The following ABCC8 variants were observed in gnomAD, a reference collection of about 807,000 sequenced individuals.
The protein encoded by ABCC8 is ATP binding cassette subfamily C member 8.
In ABCC8, 137 loss-of-function variants were observed where a neutral mutation model predicts 188.0. That is an observed-to-expected ratio of 0.73 (90% CI 0.63 to 0.84). The LOEUF is 0.84. Among genes scored for constraint, ABCC8 ranks in the 40% least tolerant of loss-of-function variants. The probability of loss-of-function intolerance (pLI) is 0.00; values close to 1 mark genes in which losing one functional copy is unlikely to be tolerated. For synonymous variants in ABCC8, 797 were observed against 846.5 expected, an observed-to-expected ratio of 0.94 and a Z score of 1.01; for missense variants, 1,750 against 2,072.7, an observed-to-expected ratio of 0.84 and a Z score of 3.02.
intron 6 of ABCC8, among the ~76,000 whole-genome samples, chr11:17,457,139 A>G (rs1262994610): frequency 2.6e-5 from 4 of 152,210 alleles, no homozygotes; most frequent in African/African-American, 4.8e-5. Flanking sequence ...CTGCATGGAC[A>G]TGGTTATGAA....
chr11:17,461,337 G>T, intron 5 of ABCC8: 1 of 563,336 alleles, frequency 1.8e-6, no homozygotes, highest in Admixed American at 3.0e-5. Flanking sequence ...TTCCCCATCT[G>T]GATAAGGACT....
intron 8 of ABCC8, among the ~76,000 whole-genome samples, chr11:17,446,956 A>G (rs1956558024): frequency 6.6e-6 from 1 of 152,232 alleles, no homozygotes; most frequent in African/African-American, 2.4e-5. Flanking sequence ...AACATGTGCA[A>G]GGTAGAGGGA....
At chr11:17,406,468 T>G in intron 26 of ABCC8, 154 bp downstream of exon 26, 1 of 753,594 alleles carries the variant, frequency 1.3e-6, no homozygotes, top group Non-Finnish European at 2.1e-6. Context: ...CCCTGCTTCT[T>G]GCACAAGGAG....
intron 3 of ABCC8, 86 bp from the exon 4 acceptor site, chr11:17,463,690 A>C: frequency 6.6e-7 from 1 of 1,524,484 alleles, no homozygotes; most frequent in East Asian, 2.5e-5. Context: ...GTGGCAGAGA[A>C]GGAGACAGAA....
chr11:17,414,617 A>G lies in ABCC8; in HGVS notation c.2292-7T>C. On this transcript the variant is annotated splice_polypyrimidine_tract_variant and splice_region_variant and intron_variant, in intron 18 of 38. Coordinates refer to ENST00000389817, the MANE Select transcript of ABCC8 (RefSeq NM_000352.6). Reference sequence around the variant, plus strand: ...GGCCACGGGGCCTCTCTTCCTGGAAAAAGCAGGGCGGGAGTAGGGGGTGCG... The same window carrying G: ...GGCCACGGGGCCTCTCTTCCTGGAAGAAGCAGGGCGGGAGTAGGGGGTGCG... 1 of 1,614,170 alleles carries G rather than the reference A, an allele frequency of 6.2e-7. No homozygotes were observed. Among genetic ancestry groups the G allele is most frequent in the Non-Finnish European group, 8.5e-7 (1 of 1,180,042 alleles).
intron 16 of ABCC8, among the ~76,000 whole-genome samples, chr11:17,419,679 A>T (rs1325327460): frequency 1.3e-5 from 2 of 152,218 alleles, no homozygotes; most frequent in African/African-American, 4.8e-5. Context: ...GAAAATGAGT[A>T]GAGCCTCATA....
chr11:17,415,204 G>T, intron 18 of ABCC8, 100 bp downstream of exon 18: 1 of 1,510,442 alleles, frequency 6.6e-7, no homozygotes, highest in East Asian at 2.4e-5. Context: ...ACTGGGGCTG[G>T]GGTCTGGGGG....
rs12275112 is a variant in ABCC8 at position 17,404,103 on chromosome 11, C to G, written c.3557+409G>C. 6.6e-6 allele frequency among the ~76,000 whole-genome samples: 1 copy of G among 152,168 alleles called. No homozygotes were observed. Among genetic ancestry groups the G allele is most frequent in the African/African-American group, 2.4e-5 (1 of 41,440 alleles). On this transcript the variant is annotated intron_variant, in intron 28 of 38. Coordinates refer to ENST00000389817, the MANE Select transcript of ABCC8 (RefSeq NM_000352.6). The surrounding 1 kb of genome is among the most constrained non-coding windows in gnomAD (Gnocchi z 4.7). ...GGCTTACAGCTACACTCTGGACTCACGTGGGCTGGGAGGTGTTATCATAAC... is the reference window on the plus strand; with the variant it reads ...GGCTTACAGCTACACTCTGGACTCAGGTGGGCTGGGAGGTGTTATCATAAC...
intron 1 of ABCC8, 109 bp from the exon 2 acceptor site, chr11:17,475,136 C>G (rs1381433035): frequency 8.6e-6 from 13 of 1,505,026 alleles, no homozygotes; most frequent in African/African-American, 1.4e-5. Flanking sequence ...GAGGGTGACA[C>G]CTACACATGA....
chr11:17,394,145 A>G, intron 37 of ABCC8, 121 bp downstream of exon 37: 1 of 1,318,640 alleles, frequency 7.6e-7, no homozygotes. Context: ...ATTTTCTGCA[A>G]CACATAGCAT....
chr11:17,395,901 C>T lies in ABCC8; in HGVS notation c.4149G>A (p.Gly1383=), dbSNP rs2133402516. The T allele has an allele frequency of 1.9e-6, 3 of 1,590,528 alleles. No homozygotes were observed. The highest frequency in any genetic ancestry group is 2.6e-6 in the Non-Finnish European group (3 of 1,167,562). The part of the protein sequence containing the change: ...KIGICGRTGS[G]KSSFSLAFFR... ...AGAAGGCAAGAGAGAAGGAGGACTT[C>T]CCACTGCCGGTGCGGCCGCAGATCC... is the stretch of plus-strand genomic sequence containing the variant. Residue 1383 remains glycine, a synonymous_variant, in exon 34 of 39, where the codon GGG becomes GGA. Transcript: ENST00000389817.
rs760602344 is a variant in ABCC8, at chr11:17,428,642, T to C, written c.1846A>G (p.Ser616Gly). Reference sequence around the variant, plus strand: ...CACTGCTCCTCACGGATCTCTGCACTGGACAGGAACTCGCTTAGCTTTTGC... The same window carrying C: ...CACTGCTCCTCACGGATCTCTGCACCGGACAGGAACTCGCTTAGCTTTTGC... ...SVQKLSEFLSSAEIREEQCAP... is the reference protein window; with the variant it reads ...SVQKLSEFLSGAEIREEQCAP... Residue 616 changes from serine (S) to glycine (G), a missense_variant, in exon 13 of 39, where the codon AGT becomes GGT. Physicochemically the swap from Ser to Gly is moderately conservative, Grantham distance 56 (BLOSUM62 0). Transcript: ENST00000389817. 1 of 1,613,870 alleles carries C rather than the reference T, an allele frequency of 6.2e-7. No homozygotes were observed. Among genetic ancestry groups the C allele is most frequent in the African/African-American group, 1.3e-5 (1 of 75,058 alleles).
chr11:17,408,157 T>A (rs1352610183), intron 23 of ABCC8: 1 of 444,064 alleles, frequency 2.3e-6, no homozygotes, highest in Non-Finnish European at 4.0e-6. Flanking sequence ...ACTTTGCAAC[T>A]AAATAGTATC....
intron 29 of ABCC8, among the ~76,000 whole-genome samples, chr11:17,399,935 C>G (rs1400650295): frequency 1.3e-5 from 2 of 152,250 alleles, no homozygotes; most frequent in Admixed American, 6.5e-5. Context: ...CGTCATCACT[C>G]TCCTTGGCCG....
chr11:17,448,647 G>A lies in ABCC8; in HGVS notation c.1201C>T (p.His401Tyr). The A allele has an allele frequency of 6.2e-7, 1 of 1,614,210 alleles. No individual in the cohort carries two copies. The highest frequency in any genetic ancestry group is 1.6e-4 in the Middle Eastern group (1 of 6,062). Residue 401 changes from histidine to tyrosine, a missense_variant, in exon 8 of 39, where the codon CAC (histidine) becomes TAC (tyrosine). By Grantham distance (83) the His-to-Tyr change is moderately conservative. Coordinates refer to ENST00000389817, the MANE Select transcript of ABCC8 (RefSeq NM_000352.6). ...ATGGACAGGTTGGAGGTGGACAGGT[G>A]CATAATTTTATTGTAAATCTTGGTC... is the stretch of plus-strand genomic sequence containing the variant. ...IQTKIYNKIM[H>Y]LSTSNLSMGE...
intron 27 of ABCC8, 49 bp downstream of exon 27, chr11:17,405,445 G>A (rs1184757074): frequency 1.9e-6 from 3 of 1,613,182 alleles, no homozygotes; most frequent in Non-Finnish European, 2.5e-6. Context: ...GCCCCCAGGG[G>A]TCCGAGGTGT....
rs767988160 is a variant in ABCC8, at chr11:17,416,946, T to G, written c.2239A>C (p.Ile747Leu). The G allele has an allele frequency of 3.7e-6, 6 of 1,609,974 alleles. No homozygotes were observed. Among genetic ancestry groups the G allele is most frequent in the African/African-American group, 1.3e-5 (1 of 74,554 alleles). ...VFWSSLPDSE[I>L]GEDPSPERET... The stretch of plus-strand genomic sequence containing the variant: ...AGGCTGTACCTGGGGTCCTCTCCTA[T>G]CTCGCTGTCAGGAAGGCTGCTGGGA... The change falls in exon 17 of 39, where the codon ATA (isoleucine) becomes CTA (leucine). Residue 747 changes from isoleucine (I) to leucine (L), a missense_variant. Coordinates refer to ENST00000389817, the MANE Select transcript of ABCC8 (RefSeq NM_000352.6).
chr11:17,475,961 C>T (rs1316644793), intron 1 of ABCC8, among the ~76,000 whole-genome samples: 4 of 152,178 alleles, frequency 2.6e-5, no homozygotes, highest in African/African-American at 9.7e-5. Flanking sequence ...CAAGCAAGGG[C>T]GCCGGGGTCG....
intron 3 of ABCC8, among the ~76,000 whole-genome samples, chr11:17,469,400 C>G (rs1848355795): frequency 1.3e-5 from 2 of 152,062 alleles, no homozygotes; most frequent in South Asian, 4.2e-4. Context: ...GCCCCAGGCT[C>G]AAGCTTTAGA....
Sources: allele counts gnomAD v4.1 joint callset (sites outside exome capture counted in the v4.1 genomes callset), GRCh38; gene constraint gnomAD v4.1.1; non-coding constraint Gnocchi (gnomAD v3.1); transcripts MANE v1.5; gene names NCBI Gene and HGNC (gene_info 2026-07-23, HGNC 2026-07-21).